Variants in CLNK observed in about 807,000 individuals in gnomAD.
CLNK encodes cytokine-dependent hematopoietic cell linker.
In CLNK, 74 loss-of-function variants were observed where a neutral mutation model predicts 68.6. That is an observed-to-expected ratio of 1.08 (90% CI 0.89 to 1.31). CLNK has a LOEUF of 1.31. Among genes scored for constraint, CLNK ranks in the 50% most tolerant of loss-of-function variants. The pLI, the probability that CLNK is intolerant of heterozygous loss-of-function variation, is 0.00. For synonymous variants in CLNK, 198 were observed against 172.2 expected (o/e 1.15, Z -1.17); for missense variants, 553 against 515.3 (o/e 1.07, Z -0.71).
At chr4:10,593,500 C>A (rs148610182) in intron 3 of CLNK, among the ~76,000 whole-genome samples, 1 of 152,048 alleles carries the variant, frequency 6.6e-6, no homozygotes, top group Non-Finnish European at 1.5e-5. Flanking sequence ...ACTAAAAATA[C>A]AAAACTTGCT....
chr4:10,733,971 G>A, the CLNK span, among the ~76,000 whole-genome samples: 1 of 152,092 alleles, frequency 6.6e-6, no homozygotes, highest in Non-Finnish European at 1.5e-5. Flanking sequence ...ATGGCCAGCT[G>A]GCCCATTAGA....
intron 7 of CLNK, 53 bp downstream of exon 7, chr4:10,564,618 G>A (rs2108822513): frequency 7.8e-7 from 1 of 1,279,384 alleles, no homozygotes; most frequent in East Asian, 2.3e-5. Flanking sequence ...GTTTCTAGCT[G>A]GTTAGGAAGA....
chr4:10,627,891 C>T (rs1233625306), intron 2 of CLNK, among the ~76,000 whole-genome samples: 1 of 152,140 alleles, frequency 6.6e-6, no homozygotes, highest in African/African-American at 2.4e-5. Flanking sequence ...AGGCTTAGGT[C>T]AGGCCTCCCC....
intron 16 of CLNK, among the ~76,000 whole-genome samples, 157 bp from the exon 17 acceptor site, chr4:10,508,193 G>T (rs1717393664): frequency 6.6e-6 from 1 of 152,224 alleles, no homozygotes; most frequent in Non-Finnish European, 1.5e-5. Context: ...TGAACTTGGA[G>T]AAGCCCACAG....
the CLNK span, among the ~76,000 whole-genome samples, chr4:10,701,276 C>G: frequency 2.6e-5 from 4 of 152,200 alleles, no homozygotes; most frequent in African/African-American, 9.7e-5. Flanking sequence ...AATGAAATCT[C>G]CCGCTTAAAA....
chr4:10,545,564 G>T (rs1220171047), intron 8 of CLNK, among the ~76,000 whole-genome samples: 1 of 152,150 alleles, frequency 6.6e-6, no homozygotes, highest in Non-Finnish European at 1.5e-5. Context: ...GGTCTTGGTG[G>T]CAGGCTCACT....
chr4:10,632,417 T>C (rs954884856), intron 2 of CLNK, among the ~76,000 whole-genome samples: 8 of 152,270 alleles, frequency 5.3e-5, no homozygotes, highest in African/African-American at 1.9e-4. Flanking sequence ...GGGAGGGACT[T>C]CTAATTCTGC....
At position 10,684,493 on chromosome 4, in the gene CLNK, C is replaced by G. The variant is rs368563178; in HGVS notation, c.-43+175G>C. On this transcript the variant is annotated intron_variant, in intron 1 of 18. Coordinates refer to ENST00000226951, the MANE Select transcript of CLNK (RefSeq NM_052964.4). ...CTTTCTCCCAAAAGAATGAAAGGAT[C>G]TTTAACAATTGAGTTAAGGGCTTTC... Among the ~76,000 whole-genome samples the G allele has an allele frequency of 3.4e-4, 52 of 152,310 alleles. 2 individuals are homozygous for G. In the South Asian group the frequency reaches 0.01, roughly 30 times the overall value.
chr4:10,725,840 G>C, the CLNK span, among the ~76,000 whole-genome samples: 746 of 149,698 alleles, frequency 5.0e-3, 5 homozygotes, highest in African/African-American at 0.017. Flanking sequence ...GGCGACAGAG[G>C]GAGACTCCGT....
the CLNK span, among the ~76,000 whole-genome samples, chr4:10,701,014 G>A: frequency 2.0e-5 from 3 of 151,770 alleles, no homozygotes; most frequent in Non-Finnish European, 4.4e-5. Context: ...GTCTGCACCC[G>A]TAAAAGCTTT....
intron 2 of CLNK, among the ~76,000 whole-genome samples, chr4:10,642,154 A>T (rs1414432789): frequency 2.6e-5 from 4 of 152,232 alleles, no homozygotes; most frequent in Non-Finnish European, 5.9e-5. Context: ...AAATCAAAGT[A>T]AAAATAAATA....
intron 2 of CLNK, among the ~76,000 whole-genome samples, chr4:10,650,964 G>T (rs1011687271): frequency 6.6e-6 from 1 of 152,104 alleles, no homozygotes; most frequent in African/African-American, 2.4e-5. Context: ...CATCATCACT[G>T]GTCCTTAGAG....
intron 14 of CLNK, among the ~76,000 whole-genome samples, chr4:10,522,832 T>C (rs940285578): frequency 6.6e-6 from 1 of 152,192 alleles, no homozygotes; most frequent in Admixed American, 6.5e-5. Flanking sequence ...TGAAACAAAA[T>C]TGCTTTCGTT....
intron 14 of CLNK, among the ~76,000 whole-genome samples, chr4:10,522,257 CAAAAAA>C (rs5856060): frequency 1.7e-5 from 2 of 121,012 alleles, no homozygotes. Flanking sequence ...GACTCTGTCT[CAAAAAA>C]AAAAAAAAAA....
Position 10,584,949 on chromosome 4 carries a change from C to CAGAAT in CLNK, c.89_90insATTCT (p.Trp30Ter). On this transcript the variant is annotated stop_gained and frameshift_variant, in exon 4 of 19. Coordinates refer to ENST00000226951, the MANE Select transcript of CLNK (RefSeq NM_052964.4). LOFTEE classifies it high-confidence loss of function. Reference sequence around the variant, plus strand: ...CACCTGTGGCACTATTGATGCGAGGCCATGACCTAGGGCAGAAAAGAGAAC... The same window carrying CAGAAT: ...CACCTGTGGCACTATTGATGCGAGGCAGAATCATGACCTAGGGCAGAAAAGAGAAC... 4.3e-6 allele frequency: 7 copies of CAGAAT among 1,613,708 alleles called. No homozygotes were observed. The highest frequency in any genetic ancestry group is 5.9e-6 in the Non-Finnish European group (7 of 1,179,788).
At chr4:10,618,633 G>A (rs539599834) in intron 2 of CLNK, among the ~76,000 whole-genome samples, 1 of 152,114 alleles carries the variant, frequency 6.6e-6, no homozygotes, top group Non-Finnish European at 1.5e-5. Context: ...CAGGCTGTAC[G>A]GGAAGCATAG....
intron 2 of CLNK, among the ~76,000 whole-genome samples, chr4:10,605,743 G>A (rs543043408): frequency 8.2e-5 from 11 of 134,652 alleles, no homozygotes; most frequent in Admixed American, 3.7e-4. Flanking sequence ...CAGGAGAATC[G>A]CTTGAAGCCA....
At chr4:10,537,749 C>CTTTCTTTCTTTCTTCCTTTCTT (rs1718856432) in intron 11 of CLNK, among the ~76,000 whole-genome samples, 1 of 105,140 alleles carries the variant, frequency 9.5e-6, no homozygotes, top group Non-Finnish European at 1.9e-5. Context: ...CTTTCTTTTT[C>CTTTCTTTCTTTCTTCCTTTCTT]TTTCTTTCTT....
intron 2 of CLNK, among the ~76,000 whole-genome samples, chr4:10,605,812 G>A (rs1233460754): frequency 1.0e-5 from 1 of 98,400 alleles, no homozygotes; most frequent in Non-Finnish European, 1.9e-5. Context: ...TGGGGACAGA[G>A]CAAGACTCTG....
Sources: gnomAD v4.1 joint callset for allele counts (sites outside exome capture counted in the v4.1 genomes callset) on GRCh38, gnomAD v4.1.1 for gene constraint, MANE v1.5 for transcripts, NCBI Gene and HGNC (gene_info 2026-07-23, HGNC 2026-07-21) for gene names.